Variants in FOXN3 observed in about 807,000 individuals in gnomAD.
FOXN3 encodes forkhead box N3.
Under a neutral mutation model 38.4 loss-of-function variants are expected in FOXN3, and 7 were observed. The ratio of observed to expected loss-of-function variants is 0.18; its 90% CI spans 0.10 to 0.34. The LOEUF (loss-of-function observed/expected upper bound fraction) is 0.34, where lower values mean the gene tolerates loss of function less well. Ranked by LOEUF, FOXN3 falls within the 10% of genes least tolerant of loss-of-function variation. The pLI, the probability that FOXN3 is intolerant of heterozygous loss-of-function variation, is 1.00. For missense variants in FOXN3, 456 were observed against 613.4 expected (o/e 0.74, Z 2.71); for synonymous variants, 230 against 242.2 (o/e 0.95, Z 0.47).
chr14:89,451,756 T>G (rs1368011422), intron 1 of FOXN3, among the ~76,000 whole-genome samples: 1 of 152,186 alleles, frequency 6.6e-6, no homozygotes, highest in Non-Finnish European at 1.5e-5. Context: ...ATTTGAAAAT[T>G]GTTGAAGTCT....
intron 1 of FOXN3, among the ~76,000 whole-genome samples, chr14:89,512,509 C>T (rs938364307): frequency 2.0e-5 from 3 of 152,186 alleles, no homozygotes; most frequent in African/African-American, 4.8e-5. Flanking sequence ...GGGAAACCCA[C>T]GGAAGATAAG....
chr14:89,447,722 C>T (rs1303576282), intron 1 of FOXN3, among the ~76,000 whole-genome samples: 1 of 151,876 alleles, frequency 6.6e-6, no homozygotes, highest in East Asian at 1.9e-4. Flanking sequence ...AAATCTGGGT[C>T]TCTCTGCTAC....
intron 1 of FOXN3, among the ~76,000 whole-genome samples, chr14:89,556,547 C>T (rs1191899711): frequency 1.3e-5 from 2 of 152,046 alleles, no homozygotes; most frequent in African/African-American, 4.8e-5. Flanking sequence ...GATCTGGTAT[C>T]TTGGACAGGC....
intron 2 of FOXN3, among the ~76,000 whole-genome samples, chr14:89,369,862 C>T (rs889365575): frequency 6.6e-6 from 1 of 152,130 alleles, no homozygotes; most frequent in South Asian, 2.1e-4. Flanking sequence ...AGAGTCAAAC[C>T]GTATCAGAAA....
chr14:89,398,904 A>C, intron 2 of FOXN3, among the ~76,000 whole-genome samples: 1 of 152,220 alleles, frequency 6.6e-6, no homozygotes, highest in African/African-American at 2.4e-5. Context: ...GAATCGCTTG[A>C]ACCCAGGAGG....
chr14:89,410,671 G>A (rs928875801), intron 2 of FOXN3, among the ~76,000 whole-genome samples: 3 of 152,110 alleles, frequency 2.0e-5, no homozygotes, highest in Non-Finnish European at 4.4e-5. Context: ...CCTGAAGTTT[G>A]AGACCAGCCT....
At chr14:89,331,499 A>T (rs1333783137) in intron 3 of FOXN3, among the ~76,000 whole-genome samples, 1 of 152,044 alleles carries the variant, frequency 6.6e-6, no homozygotes, top group African/African-American at 2.4e-5. Flanking sequence ...TTTAAACAGG[A>T]TGGTCTATGG....
chr14:89,560,072 GA>G (rs1465718257), intron 1 of FOXN3, among the ~76,000 whole-genome samples: 2 of 152,186 alleles, frequency 1.3e-5, no homozygotes, highest in Non-Finnish European at 2.9e-5. Context: ...GAGGCCTCAG[GA>G]AACTTACAAT....
intron 3 of FOXN3, among the ~76,000 whole-genome samples, chr14:89,305,845 A>C (rs769628511): frequency 6.6e-6 from 1 of 152,274 alleles, no homozygotes; most frequent in African/African-American, 2.4e-5. Flanking sequence ...AATTTAGGAA[A>C]ACTGAATGTT....
intron 2 of FOXN3, among the ~76,000 whole-genome samples, chr14:89,374,263 C>CAAAAAAAAAAAAAAA (rs35623770): frequency 2.1e-5 from 1 of 48,174 alleles, no homozygotes; most frequent in African/African-American, 8.0e-5. Flanking sequence ...GACCTTGTCT[C>CAAAAAAAAAAAAAAA]AAAAAAAAAA....
intron 3 of FOXN3, among the ~76,000 whole-genome samples, chr14:89,333,984 A>G (rs1308220414): frequency 0.28 from 5,906 of 21,360 alleles, 251 homozygotes; most frequent in Middle Eastern, 0.34. Flanking sequence ...ATATATATAT[A>G]TATATATATA....
chr14:89,491,141 G>T (rs1281953399), intron 1 of FOXN3, among the ~76,000 whole-genome samples: 10 of 145,506 alleles, frequency 6.9e-5, no homozygotes, highest in South Asian at 6.7e-4. Flanking sequence ...TTTGTTTTTT[G>T]TTTTTTTTTT....
At chr14:89,540,952 G>T (rs1028558723) in intron 1 of FOXN3, among the ~76,000 whole-genome samples, 1 of 151,396 alleles carries the variant, frequency 6.6e-6, no homozygotes, top group African/African-American at 2.5e-5. Flanking sequence ...GCAACATGAA[G>T]GAACTGAATG....
intron 3 of FOXN3, among the ~76,000 whole-genome samples, chr14:89,286,768 C>T (rs192006690): frequency 6.6e-4 from 100 of 152,276 alleles, no homozygotes; most frequent in East Asian, 7.7e-4. Context: ...ATTTGGAACA[C>T]GGCAACCAGA....
chr14:89,375,831 G>A (rs1244334247), intron 2 of FOXN3, among the ~76,000 whole-genome samples: 2 of 151,956 alleles, frequency 1.3e-5, no homozygotes, highest in East Asian at 1.9e-4. Flanking sequence ...ATGCAATGGC[G>A]CAATCTTGAC....
At chr14:89,314,637 CAA>C (rs1887668917) in intron 3 of FOXN3, among the ~76,000 whole-genome samples, 1 of 152,198 alleles carries the variant, frequency 6.6e-6, no homozygotes, top group African/African-American at 2.4e-5. Flanking sequence ...GTGCAACACA[CAA>C]AGTCTTAGGG....
At chr14:89,474,815 A>G (rs1393316786) in intron 1 of FOXN3, among the ~76,000 whole-genome samples, 2 of 151,944 alleles carry the variant, frequency 1.3e-5, no homozygotes, top group Admixed American at 1.3e-4. Flanking sequence ...TTATTTATTT[A>G]TTATTATTAT....
intron 2 of FOXN3, among the ~76,000 whole-genome samples, chr14:89,359,048 C>T (rs540766882): frequency 6.6e-6 from 1 of 152,256 alleles, no homozygotes; most frequent in South Asian, 2.1e-4. Flanking sequence ...TGGTTCACAC[C>T]TATAATCCCA....
At chr14:89,344,649 C>T (rs747763601) in intron 3 of FOXN3, among the ~76,000 whole-genome samples, 3 of 152,106 alleles carry the variant, frequency 2.0e-5, no homozygotes, top group Non-Finnish European at 2.9e-5. Flanking sequence ...TGTAGTGTTA[C>T]GAAGTTTAAA....
Sources: allele counts gnomAD v4.1 joint callset (sites outside exome capture counted in the v4.1 genomes callset), GRCh38; gene constraint gnomAD v4.1.1; transcripts MANE v1.5; gene names NCBI Gene and HGNC (gene_info 2026-07-23, HGNC 2026-07-21).